Variants in ARHGEF3 observed in about 807,000 individuals in gnomAD.
ARHGEF3 encodes the protein Rho guanine nucleotide exchange factor 3, also known as 59.8 kDA protein.
In ARHGEF3, 28 loss-of-function variants were observed where a neutral mutation model predicts 63.2. That is an observed-to-expected ratio of 0.44 (90% confidence interval 0.33 to 0.61). ARHGEF3 has a LOEUF of 0.61. Among genes scored for constraint, ARHGEF3 ranks in the 20% least tolerant of loss-of-function variants. ARHGEF3 has a pLI of 0.03. For missense variants in ARHGEF3, 533 were observed against 659.3 expected (o/e 0.81, Z 2.10); for synonymous variants, 266 against 254.2 (o/e 1.05, Z -0.44).
chr3:57,035,759 A>ATAT (rs1323294114), intron 1 of ARHGEF3, among the ~76,000 whole-genome samples: 2 of 152,214 alleles, frequency 1.3e-5, no homozygotes, highest in Non-Finnish European at 2.9e-5. Flanking sequence ...AGGTCTTAGG[A>ATAT]TATGAGCAAC....
chr3:56,929,606 T>C (rs2042359607), intron 3 of ARHGEF3, among the ~76,000 whole-genome samples: 1 of 152,160 alleles, frequency 6.6e-6, no homozygotes, highest in African/African-American at 2.4e-5. Context: ...TTGAGAACCT[T>C]ACTAGGGGAC....
intron 4 of ARHGEF3, among the ~76,000 whole-genome samples, chr3:56,860,045 T>C: frequency 6.6e-6 from 1 of 151,114 alleles, no homozygotes; most frequent in Admixed American, 6.6e-5. Context: ...TCAAGAGAGA[T>C]AGATAGATAG....
chr3:56,785,056 C>A (rs75341816), intron 1 of ARHGEF3, among the ~76,000 whole-genome samples: 391 of 152,246 alleles, frequency 2.6e-3, no homozygotes, highest in Middle Eastern at 0.017. Flanking sequence ...CCAGCCTGCG[C>A]CCCTGCCCTC....
In ARHGEF3 at chr3:56,893,420, C is replaced by A. The variant is rs546932142; in HGVS notation, c.130-11066G>T. Among the ~76,000 whole-genome samples the A allele has an allele frequency of 1.2e-4, 18 of 152,280 alleles. No individual in the cohort carries two copies. The South Asian group carries it at 3.7e-3, about 32-fold the overall frequency. On this transcript the variant is annotated intron_variant, in intron 3 of 12. Transcript: ENST00000338458. ...TCTTGAACTCTTGGGCTCAAGTGAT[C>A]CTCCTGCCTTGGCCTGCCCAAGTGC...
At chr3:56,965,978 A>G (rs6784246) in intron 2 of ARHGEF3, among the ~76,000 whole-genome samples, 19,781 of 152,104 alleles carry the variant, frequency 0.13, 1,722 homozygotes, top group Non-Finnish European at 0.19. Flanking sequence ...GGAAGATCAT[A>G]TAGAACTATA....
At chr3:56,760,536 T>C (rs563935022) in intron 2 of ARHGEF3, among the ~76,000 whole-genome samples, 2 of 152,294 alleles carry the variant, frequency 1.3e-5, no homozygotes, top group South Asian at 4.1e-4. Context: ...ACAGAGGGTC[T>C]TTTATGCGCT....
chr3:56,757,436 T>G (rs2035142857), intron 2 of ARHGEF3, among the ~76,000 whole-genome samples: 1 of 151,620 alleles, frequency 6.6e-6, no homozygotes, highest in African/African-American at 2.4e-5. Flanking sequence ...ATCGTGCCAC[T>G]GCACTCCAGT....
chr3:56,736,062 A>G (rs1385685765), intron 8 of ARHGEF3, among the ~76,000 whole-genome samples: 1 of 108,942 alleles, frequency 9.2e-6, no homozygotes, highest in African/African-American at 3.6e-5. Context: ...ACACACACAC[A>G]CACACACACA....
intron 4 of ARHGEF3, among the ~76,000 whole-genome samples, chr3:56,807,881 T>C (rs1018296181): frequency 7.9e-5 from 12 of 152,190 alleles, no homozygotes; most frequent in Admixed American, 7.9e-4. Flanking sequence ...CCCAGCACTT[T>C]GGGAGGCCAA....
rs564920382 is a variant in ARHGEF3, at chr3:56,852,038, G to C, written c.192+30254C>G. On this transcript the variant is annotated intron_variant, in intron 4 of 12. Coordinates refer to the ARHGEF3 transcript ENST00000338458. The stretch of plus-strand genomic sequence containing the variant: ...TGTGGATTTGGCCCTTGGAGCCTCT[G>C]TTATCTGACCCTTACCCTGGAAGGG... Among the ~76,000 whole-genome samples the C allele has an allele frequency of 3.9e-5, 6 of 152,332 alleles. No homozygotes were observed. The East Asian group carries it at 9.6e-4, about 24-fold the overall frequency.
intron 2 of ARHGEF3, among the ~76,000 whole-genome samples, chr3:56,979,714 C>G (rs1701254110): frequency 6.6e-6 from 1 of 152,232 alleles, no homozygotes; most frequent in Admixed American, 6.5e-5. Flanking sequence ...TTAAATCAGC[C>G]AGCCAACGAG....
At position 56,938,380 on chromosome 3, in the gene ARHGEF3, A is replaced by G. The variant is rs376339978; in HGVS notation, c.129+20443T>C. ...TTTTTAGAGACTACTAATTTCAATT[A>G]CGGAGGAAGAATAAGTTTGTAAGAC... On this transcript the variant is annotated intron_variant, in intron 3 of 12. Transcript: ENST00000338458. Among the ~76,000 whole-genome samples the G allele has an allele frequency of 2.3e-4, 35 of 152,368 alleles. 1 individual carries two copies. Among genetic ancestry groups the G allele is most frequent in the African/African-American group, 8.2e-4 (34 of 41,582 alleles).
In ARHGEF3 at chr3:56,737,344, AATG is replaced by A; in HGVS notation, c.879_881del (p.Ile294del). On this transcript the variant is annotated inframe_deletion, in exon 8 of 10. Coordinates refer to ENST00000296315, the MANE Select transcript of ARHGEF3 (RefSeq NM_019555.3). ...TGTTGATTTCTGCCACAATTCCCTG[AATG>A]ATATTTATCTATGAAAACAAAGAGG... 1 of 1,611,330 alleles carries A rather than the reference AATG, an allele frequency of 6.2e-7. No individual in the cohort carries two copies. Among genetic ancestry groups the A allele is most frequent in the Non-Finnish European group, 8.5e-7 (1 of 1,178,212 alleles).
At chr3:56,947,751 T>C (rs919194898) in intron 3 of ARHGEF3, among the ~76,000 whole-genome samples, 7 of 152,098 alleles carry the variant, frequency 4.6e-5, no homozygotes, top group Non-Finnish European at 7.4e-5. Flanking sequence ...TATTGAGGAA[T>C]TGAACTCAGC....
chr3:56,734,566 AC>A (rs1024233103), intron 8 of ARHGEF3, among the ~76,000 whole-genome samples: 49 of 152,222 alleles, frequency 3.2e-4, no homozygotes, highest in African/African-American at 1.2e-3. Context: ...CTGCACATAT[AC>A]CCCCTGCATC....
chr3:56,729,460 T>A lies in ARHGEF3; in HGVS notation c.1391A>T (p.Glu464Val), dbSNP rs1431104662. The A allele has an allele frequency of 5.0e-6, 8 of 1,614,074 alleles. No individual in the cohort carries two copies. The Admixed American group carries it at 1.0e-4, about 20-fold the overall frequency. ...AAGQAGVLDS[E>V]GSFLNPTTGS... ...GGTGGTGGGATTTAGGAACGATCCC[T>A]CGGAGTCAAGCACCCCAGCTTGCCC... Residue 464 changes from glutamate (E) to valine (V), a missense_variant, in exon 10 of 10, where the codon GAG becomes GTG. Physicochemically the swap from Glu to Val is moderately radical, Grantham distance 121. Around this residue, in one of 4 missense-constraint regions of ARHGEF3, gnomAD observed 115 missense variants for 103.4 expected, o/e 1.11. Coordinates refer to ENST00000296315, the MANE Select transcript of ARHGEF3 (RefSeq NM_019555.3).
chr3:56,910,760 T>C (rs2041833399), intron 3 of ARHGEF3, among the ~76,000 whole-genome samples: 1 of 152,218 alleles, frequency 6.6e-6, no homozygotes, highest in Non-Finnish European at 1.5e-5. Context: ...AACACTGATC[T>C]ATTTCAAGTC....
chr3:56,913,899 T>G (rs923962778), intron 3 of ARHGEF3, among the ~76,000 whole-genome samples: 3 of 152,026 alleles, frequency 2.0e-5, no homozygotes, highest in Non-Finnish European at 4.4e-5. Context: ...AATCGAGGAG[T>G]GGATAAATAA....
chr3:56,992,526 G>A (rs1408559484), intron 2 of ARHGEF3, among the ~76,000 whole-genome samples: 1 of 151,820 alleles, frequency 6.6e-6, no homozygotes, highest in Non-Finnish European at 1.5e-5. Flanking sequence ...GACACATGCA[G>A]TGGCTAAGAA....
Sources: gnomAD v4.1 joint callset for allele counts (sites outside exome capture counted in the v4.1 genomes callset) on GRCh38, gnomAD v4.1.1 for gene constraint, gnomAD v4.1.1 regional missense constraint, MANE v1.5 for transcripts, NCBI Gene and HGNC (gene_info 2026-07-23, HGNC 2026-07-21) for gene names.